Variants in ADAM23 observed in about 807,000 individuals in gnomAD.
ADAM23 encodes the protein disintegrin and metalloproteinase domain-containing protein 23.
ADAM23 carries 33 observed loss-of-function variants against 120.1 expected under a neutral mutation model. That is an observed-to-expected ratio of 0.27 (90% CI 0.21 to 0.37). ADAM23 has a LOEUF of 0.37. Among genes scored for constraint, ADAM23 ranks in the 10% least tolerant of loss-of-function variants. ADAM23 has a pLI of 1.00. For missense variants in ADAM23, 862 were observed against 1,058.2 expected, an observed-to-expected ratio of 0.81 and a Z score of 2.57; for synonymous variants, 367 against 375.2, an observed-to-expected ratio of 0.98 and a Z score of 0.25.
chr2:206,517,318 G>A (rs1219890553), intron 3 of ADAM23, among the ~76,000 whole-genome samples: 2 of 152,120 alleles, frequency 1.3e-5, no homozygotes, highest in African/African-American at 2.4e-5. Flanking sequence ...TGCCACTGCC[G>A]TGTGCTACCT....
At position 206,597,178 on chromosome 2, in the gene ADAM23, C is replaced by CTTT. The variant is rs1173847537; in HGVS notation, c.2359+1033_2359+1035dup. 1.9e-4 allele frequency among the ~76,000 whole-genome samples: 24 copies of CTTT among 126,124 alleles called. No homozygotes were observed. In the South Asian group the frequency reaches 3.7e-3, roughly 19 times the overall value. The allele number at this position is 126,124 out of a possible 152,430, so 82.7% of individuals were successfully genotyped here. On this transcript the variant is annotated intron_variant, in intron 24 of 25. Coordinates refer to ENST00000264377, the MANE Select transcript of ADAM23 (RefSeq NM_003812.4). ...ACTGCACCCGCCCCTCTTACATCAT[C>CTTT]TTTTTTTTTTTTTTTTTTTGAGACA... is the stretch of plus-strand genomic sequence containing the variant.
At chr2:206,454,076 C>A (rs1181537485) in intron 2 of ADAM23, among the ~76,000 whole-genome samples, 1 of 152,148 alleles carries the variant, frequency 6.6e-6, no homozygotes, top group African/African-American at 2.4e-5. Flanking sequence ...AACCAGTGAA[C>A]CAAAGTGTAA....
intron 3 of ADAM23, among the ~76,000 whole-genome samples, chr2:206,508,125 G>T (rs767663216): frequency 9.9e-5 from 15 of 152,104 alleles, no homozygotes; most frequent in Non-Finnish European, 2.1e-4. Context: ...CACCTCCCAG[G>T]TTCACGCCAT....
intron 3 of ADAM23, among the ~76,000 whole-genome samples, chr2:206,510,707 G>A (rs1323046561): frequency 6.6e-6 from 1 of 152,176 alleles, no homozygotes; most frequent in Non-Finnish European, 1.5e-5. Flanking sequence ...GGCTGGACAT[G>A]AAATTTTGAA....
intron 2 of ADAM23, among the ~76,000 whole-genome samples, chr2:206,447,490 A>G (rs1383957429): frequency 6.6e-6 from 1 of 152,224 alleles, no homozygotes; most frequent in Non-Finnish European, 1.5e-5. Context: ...CCGTACAGGT[A>G]TAGACAGTGT....
At position 206,557,405 on chromosome 2, in the gene ADAM23, C is replaced by T. The variant is rs1235000291; in HGVS notation, c.934-22C>T. On this transcript the variant is annotated intron_variant, in intron 9 of 25. Transcript: ENST00000264377. ...TTATTCACTTATGATTTGGCAGTGACTGGTATGTATTTCCCCCCTAGTATA... is the reference window on the plus strand; with the variant it reads ...TTATTCACTTATGATTTGGCAGTGATTGGTATGTATTTCCCCCCTAGTATA... 5 of 1,588,054 alleles carry T rather than the reference C, an allele frequency of 3.1e-6. No homozygotes were observed. The African/African-American group carries it at 4.0e-5, about 13-fold the overall frequency.
At chr2:206,486,954 G>A (rs1217761691) in intron 3 of ADAM23, among the ~76,000 whole-genome samples, 2 of 152,102 alleles carry the variant, frequency 1.3e-5, no homozygotes, top group Admixed American at 1.3e-4. Flanking sequence ...TCGCGTCCTG[G>A]ACATTTCATA....
At chr2:206,497,202 A>C (rs1002236670) in intron 3 of ADAM23, among the ~76,000 whole-genome samples, 13 of 152,186 alleles carry the variant, frequency 8.5e-5, no homozygotes, top group Non-Finnish European at 1.6e-4. Flanking sequence ...ACAACGAAAA[A>C]AGAGAATTTT....
intron 6 of ADAM23, among the ~76,000 whole-genome samples, chr2:206,546,632 G>A (rs893244993): frequency 2.6e-5 from 4 of 151,944 alleles, no homozygotes; most frequent in African/African-American, 7.3e-5. Flanking sequence ...TGTTCTTCCA[G>A]TTTTCAATGA....
In ADAM23 at chr2:206,480,719, A is replaced by G. The variant is rs542066326; in HGVS notation, c.433-513A>G. On this transcript the variant is annotated intron_variant, in intron 2 of 25. Transcript: ENST00000264377. ...AAGCTCTCAGTATTCACAAAAGGCC[A>G]GGTTCTAAGTGCTTTCTGAAGTTAC... is the stretch of plus-strand genomic sequence containing the variant. Among the ~76,000 whole-genome samples, 420 of 152,262 alleles carry G rather than the reference A, an allele frequency of 2.8e-3. 2 individuals are homozygous for G. The highest frequency in any genetic ancestry group is 9.6e-3 in the African/African-American group (398 of 41,554).
chr2:206,559,866 T>G (rs2073114854), intron 10 of ADAM23, 89 bp from the exon 11 acceptor site: 1 of 1,203,732 alleles, frequency 8.3e-7, no homozygotes, highest in African/African-American at 1.5e-5. Context: ...CACCTCCCCC[T>G]TCCTGTCCTT....
rs553736374 is a variant in ADAM23 at position 206,548,635 on chromosome 2, G to A, written c.867+281G>A. 1.4e-3 allele frequency among the ~76,000 whole-genome samples: 212 copies of A among 152,248 alleles called. 1 individual carries two copies. The highest frequency in any genetic ancestry group is 4.9e-3 in the African/African-American group (203 of 41,558). On this transcript the variant is annotated intron_variant, in intron 8 of 25. Transcript: ENST00000264377. ...CTCTGTTTTCTACGTGTTTTCTGAT[G>A]ATAATTGCAGTGCGTTTTATTTTCT...
At chr2:206,533,962 A>C (rs895806584) in intron 4 of ADAM23, among the ~76,000 whole-genome samples, 1 of 152,038 alleles carries the variant, frequency 6.6e-6, no homozygotes, top group Non-Finnish European at 1.5e-5. Context: ...ATATAATAAA[A>C]CTATTTTGTT....
At chr2:206,500,993 C>CTT (rs201894596) in intron 3 of ADAM23, among the ~76,000 whole-genome samples, 42 of 142,706 alleles carry the variant, frequency 2.9e-4, no homozygotes, top group African/African-American at 9.9e-4. Context: ...GAGCCACTCA[C>CTT]TTTTTTTTTT....
chr2:206,557,551 C>T, intron 10 of ADAM23, 53 bp downstream of exon 10: 1 of 1,457,360 alleles, frequency 6.9e-7, no homozygotes, highest in Non-Finnish European at 9.6e-7. Flanking sequence ...TGGTTTATCT[C>T]TATTTGCTTA....
chr2:206,496,533 C>T (rs1307686359), intron 3 of ADAM23, among the ~76,000 whole-genome samples: 2 of 151,622 alleles, frequency 1.3e-5, no homozygotes, highest in African/African-American at 2.4e-5. Flanking sequence ...GCACTAAATG[C>T]CCACAAGAGA....
At chr2:206,500,602 T>C (rs1315708294) in intron 3 of ADAM23, among the ~76,000 whole-genome samples, 1 of 152,172 alleles carries the variant, frequency 6.6e-6, no homozygotes, top group Admixed American at 6.6e-5. Context: ...GATGCCCATC[T>C]CCTCTCCTTT....
At chr2:206,444,406 A>G (rs1243173297) in intron 1 of ADAM23, among the ~76,000 whole-genome samples, 4 of 152,116 alleles carry the variant, frequency 2.6e-5, no homozygotes, top group Non-Finnish European at 5.9e-5. Context: ...CGAGGGAGCA[A>G]GTTGCTACTT....
chr2:206,460,577 T>A (rs1695396584), intron 2 of ADAM23, among the ~76,000 whole-genome samples: 1 of 152,178 alleles, frequency 6.6e-6, no homozygotes, highest in Non-Finnish European at 1.5e-5. Flanking sequence ...ATCTAGTTGT[T>A]TGTGTTTTTT....
Sources: allele counts gnomAD v4.1 joint callset (sites outside exome capture counted in the v4.1 genomes callset), GRCh38; gene constraint gnomAD v4.1.1; transcripts MANE v1.5; gene names NCBI Gene and HGNC (gene_info 2026-07-23, HGNC 2026-07-21).